TTLL7: variants seen among roughly 807,000 people sequenced by gnomAD.
TTLL7 encodes tubulin polyglutamylase TTLL7.
Under a neutral mutation model 120.2 loss-of-function variants are expected in TTLL7, and 53 were observed. That is an observed-to-expected ratio of 0.44 (90% CI 0.35 to 0.55). The LOEUF (loss-of-function observed/expected upper bound fraction) is 0.55, where lower values mean the gene tolerates loss of function less well. Among genes scored for constraint, TTLL7 ranks in the 20% least tolerant of loss-of-function variants. The pLI is 0.00. For synonymous variants in TTLL7, 353 were observed against 351.7 expected, an observed-to-expected ratio of 1.00 and a Z score of -0.04; for missense variants, 803 against 1,054.7, an observed-to-expected ratio of 0.76 and a Z score of 3.31.
chr1:83,966,012 T>G (rs1177424232), intron 1 of TTLL7, among the ~76,000 whole-genome samples: 1 of 152,184 alleles, frequency 6.6e-6, no homozygotes, highest in African/African-American at 2.4e-5. Context: ...ATTACTGTTA[T>G]GTGTCAACTT....
Position 83,937,883 on chromosome 1 carries a change from T to C in TTLL7, c.857A>G (p.His286Arg), listed in dbSNP as rs756541831. ...ATCACTCCAAAACTTAGCAACATCATGTTGATTTGCTTGAAGGAATTCTGT... is the reference window on the plus strand; with the variant it reads ...ATCACTCCAAAACTTAGCAACATCACGTTGATTTGCTTGAAGGAATTCTGT... ...WFTEFLQANQ[H>R]DVAKFWSDIS... Residue 286 changes from histidine (H) to arginine (R), a missense_variant, in exon 8 of 21, where the codon CAT (histidine) becomes CGT (arginine). By Grantham distance (29) the His-to-Arg change is conservative. Transcript: ENST00000260505. 3.1e-6 allele frequency: 5 copies of C among 1,614,068 alleles called. No homozygotes were observed. Among genetic ancestry groups the C allele is most frequent in the Non-Finnish European group, 4.2e-6 (5 of 1,179,960 alleles).
At position 83,887,765 on chromosome 1, in the gene TTLL7, A is replaced by G. The variant is rs114369511; in HGVS notation, c.2369+2556T>C. Among the ~76,000 whole-genome samples the G allele has an allele frequency of 5.3e-3, 801 of 152,214 alleles. 4 individuals are homozygous for G. The highest frequency in any genetic ancestry group is 0.018 in the African/African-American group (765 of 41,562). The stretch of plus-strand genomic sequence containing the variant: ...TGACTCAGATTACCTGGATTTAAAT[A>G]CAGGCTCATACAGTTACTATGGGAA... On this transcript the variant is annotated intron_variant, in intron 19 of 20. Transcript: ENST00000260505.
intron 15 of TTLL7, among the ~76,000 whole-genome samples, chr1:83,909,311 G>C (rs1311634543): frequency 1.7e-5 from 2 of 117,118 alleles, no homozygotes; most frequent in Non-Finnish European, 3.3e-5. Context: ...TAGAAATTCA[G>C]ATAGAAAAAC....
chr1:83,888,566 T>C (rs533654113), intron 19 of TTLL7, among the ~76,000 whole-genome samples: 18 of 152,074 alleles, frequency 1.2e-4, no homozygotes, highest in African/African-American at 4.3e-4. Context: ...AAGAGGTAGG[T>C]ATAGTATGGG....
At position 83,906,457 on chromosome 1, in the gene TTLL7, A is replaced by C; in HGVS notation, c.1999T>G (p.Ser667Ala). The C allele has an allele frequency of 6.2e-7, 1 of 1,611,680 alleles. No homozygotes were observed. ...ACSTNSQVSE[S>A]LRQLKTKEQE... The stretch of plus-strand genomic sequence containing the variant: ...TCTTTTGTTTTCAGTTGCCGCAAAG[A>C]CTCACTCTTAAATTTGAAAGAATAC... The change falls in exon 17 of 21, where the codon TCT becomes GCT. Residue 667 changes from serine to alanine, a missense_variant. By Grantham distance (99) the Ser-to-Ala change is moderately conservative. This residue lies in a region of TTLL7 where 388 missense variants were observed against 450.4 expected (regional missense o/e 0.86). Coordinates refer to ENST00000260505, the MANE Select transcript of TTLL7 (RefSeq NM_024686.6).
chr1:83,924,529 G>C (rs937919754), intron 10 of TTLL7, among the ~76,000 whole-genome samples: 3 of 152,124 alleles, frequency 2.0e-5, no homozygotes, highest in Non-Finnish European at 2.9e-5. Context: ...CAAATTCATA[G>C]AGACACAAAA....
intron 1 of TTLL7, among the ~76,000 whole-genome samples, chr1:83,973,969 C>T (rs552317343): frequency 1.1e-4 from 16 of 151,942 alleles, no homozygotes; most frequent in African/African-American, 3.6e-4. Flanking sequence ...CAAGCATATG[C>T]CTAAGTAAAA....
At chr1:83,897,261 A>C (rs1656305861) in intron 18 of TTLL7, among the ~76,000 whole-genome samples, 1 of 152,098 alleles carries the variant, frequency 6.6e-6, no homozygotes, top group African/African-American at 2.4e-5. Context: ...CTCTAAATGG[A>C]ATTAAGATAC....
At chr1:83,991,350 A>G (rs1652982710) in intron 1 of TTLL7, among the ~76,000 whole-genome samples, 1 of 152,068 alleles carries the variant, frequency 6.6e-6, no homozygotes, top group Admixed American at 6.6e-5. Context: ...TTATCACAGT[A>G]AAAAAAATTA....
intron 1 of TTLL7, among the ~76,000 whole-genome samples, chr1:83,983,114 T>C (rs549374875): frequency 1.3e-5 from 2 of 152,088 alleles, no homozygotes; most frequent in African/African-American, 4.8e-5. Flanking sequence ...GGTGGAGCAG[T>C]TGAGGTCAGG....
intron 15 of TTLL7, 69 bp downstream of exon 15, chr1:83,911,096 T>C: frequency 7.3e-7 from 1 of 1,361,806 alleles, no homozygotes; most frequent in Non-Finnish European, 1.0e-6. Flanking sequence ...CAAGGACCTT[T>C]TACTGAGTTT....
chr1:83,972,576 G>C (rs1651090811), intron 1 of TTLL7, among the ~76,000 whole-genome samples: 1 of 152,094 alleles, frequency 6.6e-6, no homozygotes, highest in South Asian at 2.1e-4. Context: ...GTCTGGGGTA[G>C]ACATTAAGTT....
In TTLL7 at chr1:83,867,411, G is replaced by T. The variant is rs544541630; in HGVS notation, c.*2551C>A. 5 of 151,960 alleles carry T rather than the reference G, an allele frequency of 3.3e-5. No individual in the cohort carries two copies. The highest frequency in any genetic ancestry group is 1.2e-4 in the African/African-American group (5 of 41,506). 9.4% of individuals were successfully genotyped at this position (151,960 alleles called of 1,614,324 possible). On this transcript the variant is annotated 3_prime_UTR_variant, in exon 21 of 21. Coordinates refer to ENST00000260505, the MANE Select transcript of TTLL7 (RefSeq NM_024686.6). ...CATCAGTCTAAATAGGCAAATGAAG[G>T]CAATAAAATTGTAACGCTCAAAATA...
chr1:83,998,728 C>T (rs572428889), intron 1 of TTLL7, among the ~76,000 whole-genome samples: 62 of 152,126 alleles, frequency 4.1e-4, no homozygotes, highest in African/African-American at 1.3e-3. Context: ...CCCCATTCTG[C>T]CCAAACCTCT....
chr1:83,934,690 T>C (rs1647238177), intron 8 of TTLL7, among the ~76,000 whole-genome samples: 1 of 152,196 alleles, frequency 6.6e-6, no homozygotes, highest in Non-Finnish European at 1.5e-5. Context: ...ACTGTCATTT[T>C]AACTCCCTCT....
chr1:83,979,977 G>A (rs1651812948), intron 1 of TTLL7: 1 of 152,160 alleles, frequency 6.6e-6, no homozygotes, highest in Non-Finnish European at 1.5e-5. Flanking sequence ...GACTTTAAAA[G>A]ACCACTAAGG....
chr1:83,933,265 G>C (rs1324327240), intron 9 of TTLL7, among the ~76,000 whole-genome samples: 1 of 152,146 alleles, frequency 6.6e-6, no homozygotes, highest in Non-Finnish European at 1.5e-5. Flanking sequence ...ACAGAGAGGA[G>C]AGACACTATC....
intron 10 of TTLL7, among the ~76,000 whole-genome samples, chr1:83,926,225 C>T (rs1346770552): frequency 6.6e-6 from 1 of 151,626 alleles, no homozygotes; most frequent in Non-Finnish European, 1.5e-5. Context: ...CCAGGAGGAA[C>T]ATGATCGAAG....
chr1:83,927,971 A>C (rs1659276974), intron 10 of TTLL7, among the ~76,000 whole-genome samples: 1 of 152,178 alleles, frequency 6.6e-6, no homozygotes, highest in Non-Finnish European at 1.5e-5. Flanking sequence ...GAACTGTGCT[A>C]AATTCTCTGT....
Sources: allele counts gnomAD v4.1 joint callset (sites outside exome capture counted in the v4.1 genomes callset), GRCh38; gene constraint gnomAD v4.1.1; regional missense constraint gnomAD v4.1.1; transcripts MANE v1.5; gene names NCBI Gene and HGNC (gene_info 2026-07-23, HGNC 2026-07-21).